The following THRB variants were observed in gnomAD, a reference collection of about 807,000 sequenced individuals.
THRB encodes nuclear receptor subfamily 1 group A member 2.
THRB carries 12 observed loss-of-function variants against 47.8 expected under a neutral mutation model. The ratio of observed to expected loss-of-function variants is 0.25; its 90% confidence interval spans 0.16 to 0.41. The LOEUF is 0.41. Among genes scored for constraint, THRB ranks in the 10% least tolerant of loss-of-function variants. The probability of loss-of-function intolerance (pLI) is 1.00; values close to 1 mark genes in which losing one functional copy is unlikely to be tolerated. For missense variants in THRB, 348 were observed against 589.2 expected (o/e 0.59, Z 4.24); for synonymous variants, 218 against 212.2 (o/e 1.03, Z -0.24).
intron 1 of THRB, among the ~76,000 whole-genome samples, chr3:24,357,275 G>C (rs1169453984): frequency 7.8e-6 from 1 of 128,964 alleles, no homozygotes; most frequent in African/African-American, 2.9e-5. Flanking sequence ...GAAAAGCAAG[G>C]AGTCAAGCAG....
At chr3:24,293,773 G>T (rs979989594) in intron 3 of THRB, among the ~76,000 whole-genome samples, 1 of 152,202 alleles carries the variant, frequency 6.6e-6, no homozygotes, top group South Asian at 2.1e-4. Flanking sequence ...TCCAGGTTGT[G>T]ATCAGTGCGG....
chr3:24,204,728 C>A (rs1178466735), intron 4 of THRB, among the ~76,000 whole-genome samples: 1 of 152,122 alleles, frequency 6.6e-6, no homozygotes, highest in African/African-American at 2.4e-5. Flanking sequence ...AAATTTGAAC[C>A]CATCACAAAG....
At chr3:24,275,826 T>G (rs1375526461) in intron 3 of THRB, among the ~76,000 whole-genome samples, 6 of 152,202 alleles carry the variant, frequency 3.9e-5, no homozygotes, top group Non-Finnish European at 7.3e-5. Flanking sequence ...GACTGGGCTA[T>G]GCCCTTTGAG....
chr3:24,328,799 T>A (rs1050015869), intron 2 of THRB, among the ~76,000 whole-genome samples: 6 of 152,226 alleles, frequency 3.9e-5, no homozygotes, highest in African/African-American at 1.4e-4. Flanking sequence ...GAACTCTTTC[T>A]AAAATATAAA....
chr3:24,216,540 G>T (rs574792282), intron 4 of THRB, among the ~76,000 whole-genome samples: 1 of 152,038 alleles, frequency 6.6e-6, no homozygotes, highest in African/African-American at 2.4e-5. Flanking sequence ...CCTGGGAGGC[G>T]GAGCTTGCAG....
chr3:24,158,450 A>C (rs1036200473), intron 5 of THRB, among the ~76,000 whole-genome samples: 14 of 139,296 alleles, frequency 1.0e-4, no homozygotes, highest in South Asian at 2.3e-4. Flanking sequence ...AGGGTGGGGG[A>C]CGAGTTTCAC....
intron 4 of THRB, among the ~76,000 whole-genome samples, chr3:24,194,639 TTTGA>T (rs1052105290): frequency 6.6e-5 from 10 of 152,320 alleles, no homozygotes; most frequent in Admixed American, 1.3e-4. Flanking sequence ...TTCTGATGGC[TTTGA>T]TTGACACAAC....
At chr3:24,252,745 C>T (rs1276299400) in intron 3 of THRB, among the ~76,000 whole-genome samples, 2 of 151,778 alleles carry the variant, frequency 1.3e-5, no homozygotes, top group Non-Finnish European at 1.5e-5. Flanking sequence ...AATAAGAGAA[C>T]ATTTATAGAA....
intron 4 of THRB, among the ~76,000 whole-genome samples, chr3:24,209,697 G>A (rs960142522): frequency 6.6e-6 from 1 of 152,138 alleles, no homozygotes. Context: ...AGCGGGGAGG[G>A]ATAGCATTAG....
intron 3 of THRB, among the ~76,000 whole-genome samples, chr3:24,263,063 C>T (rs1347635444): frequency 6.6e-6 from 1 of 152,154 alleles, no homozygotes; most frequent in Non-Finnish European, 1.5e-5. Context: ...CAGGGGTAAA[C>T]CATTCCATTT....
chr3:24,329,920 C>T (rs1024016878), intron 2 of THRB, among the ~76,000 whole-genome samples: 6 of 152,358 alleles, frequency 3.9e-5, no homozygotes, highest in African/African-American at 1.4e-4. Context: ...GCAATGGAAC[C>T]TAAGACACTG....
chr3:24,195,728 G>A (rs1189589296), intron 4 of THRB, among the ~76,000 whole-genome samples: 1 of 152,146 alleles, frequency 6.6e-6, no homozygotes, highest in African/African-American at 2.4e-5. Flanking sequence ...CTATCCTCCA[G>A]CCACATGGGC....
At chr3:24,331,630 T>C (rs773305781) in intron 2 of THRB, among the ~76,000 whole-genome samples, 1 of 152,000 alleles carries the variant, frequency 6.6e-6, no homozygotes, top group Admixed American at 6.6e-5. Context: ...TGTATGAATA[T>C]ACATACACAT....
At chr3:24,245,541 A>G (rs2050024763) in intron 3 of THRB, among the ~76,000 whole-genome samples, 1 of 152,152 alleles carries the variant, frequency 6.6e-6, no homozygotes, top group African/African-American at 2.4e-5. Context: ...CAACTTTACA[A>G]AACATGGACA....
chr3:24,238,713 C>G (rs73039624), intron 3 of THRB, among the ~76,000 whole-genome samples: 51,034 of 151,988 alleles, frequency 0.34, 8,678 homozygotes, highest in East Asian at 0.53. Flanking sequence ...CAGTGAGCTC[C>G]TTCAGATTTT....
intron 1 of THRB, among the ~76,000 whole-genome samples, chr3:24,475,303 C>G (rs551905752): frequency 1.3e-5 from 2 of 151,858 alleles, no homozygotes; most frequent in Non-Finnish European, 2.9e-5. Flanking sequence ...TTGCAATGAT[C>G]AAACACAATA....
intron 1 of THRB, among the ~76,000 whole-genome samples, chr3:24,415,915 C>A (rs554470969): frequency 6.6e-5 from 10 of 151,930 alleles, no homozygotes; most frequent in African/African-American, 2.4e-4. Context: ...ATGACGGACC[C>A]AGTTAATGCT....
At chr3:24,486,652 T>C (rs1327842916) in intron 1 of THRB, 2 of 152,248 alleles carry the variant, frequency 1.3e-5, no homozygotes, top group Non-Finnish European at 2.9e-5. Context: ...ATGCCTAGGA[T>C]CTTTTTCTCA....
In THRB at chr3:24,376,773, G is replaced by A. The variant is rs138598834; in HGVS notation, c.-260-39402C>T. On this transcript the variant is annotated intron_variant, in intron 1 of 10. Transcript: ENST00000646209. ...TGATCTGCCAGAAAATTAAATGCCT[G>A]CCAGAACAAAACTCATTACTCTTTA... is the stretch of plus-strand genomic sequence containing the variant. Among the ~76,000 whole-genome samples, 20 of 152,198 alleles carry A rather than the reference G, an allele frequency of 1.3e-4. No homozygotes were observed. In the East Asian group the frequency reaches 3.9e-3, roughly 29 times the overall value.
Sources: allele counts gnomAD v4.1 joint callset (sites outside exome capture counted in the v4.1 genomes callset), GRCh38; gene constraint gnomAD v4.1.1; transcripts MANE v1.5; gene names NCBI Gene and HGNC (gene_info 2026-07-23, HGNC 2026-07-21).